Variants in GRID2 observed in about 807,000 individuals in gnomAD.
GRID2 encodes the protein glutamate receptor ionotropic, delta-2.
Under a neutral mutation model 114.8 loss-of-function variants are expected in GRID2, and 33 were observed. The ratio of observed to expected loss-of-function variants is 0.29; its 90% CI spans 0.22 to 0.38. GRID2 has a LOEUF of 0.38. GRID2 is among the 10% of genes least tolerant of loss of function. The pLI is 1.00. For missense variants in GRID2, 1,184 were observed against 1,257.7 expected (o/e 0.94, Z 0.89); for synonymous variants, 505 against 449.9 (o/e 1.12, Z -1.55).
chr4:93,676,822 C>G (rs1392969757), intron 14 of GRID2, among the ~76,000 whole-genome samples: 1 of 151,344 alleles, frequency 6.6e-6, no homozygotes, highest in Non-Finnish European at 1.5e-5. Context: ...TAGGAACAGC[C>G]CCGGTCTACA....
intron 2 of GRID2, among the ~76,000 whole-genome samples, chr4:92,676,170 C>CT (rs1248069337): frequency 0.016 from 770 of 49,606 alleles, 24 homozygotes; most frequent in Non-Finnish European, 0.028. Flanking sequence ...CCCCCCCCCC[C>CT]TTTTTTTTTT....
At chr4:93,267,918 C>A (rs367877425) in intron 8 of GRID2, among the ~76,000 whole-genome samples, 9 of 152,122 alleles carry the variant, frequency 5.9e-5, no homozygotes, top group Non-Finnish European at 1.0e-4. Flanking sequence ...ATTCCTGCTC[C>A]GTCTCTCTGC....
At chr4:93,217,950 TA>T (rs1744429521) in intron 6 of GRID2, among the ~76,000 whole-genome samples, 3 of 152,020 alleles carry the variant, frequency 2.0e-5, no homozygotes, top group Admixed American at 2.0e-4. Context: ...TTTTCAGTTT[TA>T]ACAGTTTGGA....
intron 2 of GRID2, among the ~76,000 whole-genome samples, chr4:92,748,186 C>T (rs542107818): frequency 2.6e-5 from 4 of 152,152 alleles, no homozygotes; most frequent in East Asian, 1.9e-4. Context: ...CTATGTTTCC[C>T]ATCTCAATAT....
intron 2 of GRID2, among the ~76,000 whole-genome samples, chr4:92,818,855 A>C (rs1741082307): frequency 6.6e-6 from 1 of 152,138 alleles, no homozygotes. Context: ...TTCTACATGA[A>C]TAATATCTTG....
chr4:93,028,063 C>A (rs1724043976), intron 2 of GRID2, among the ~76,000 whole-genome samples: 1 of 152,100 alleles, frequency 6.6e-6, no homozygotes, highest in Admixed American at 6.6e-5. Flanking sequence ...TCTATTCAGT[C>A]TCTTCTTGAT....
intron 2 of GRID2, among the ~76,000 whole-genome samples, chr4:92,866,165 G>T (rs778879781): frequency 1.4e-4 from 21 of 152,136 alleles, no homozygotes; most frequent in Admixed American, 7.9e-4. Context: ...GGAATATTGT[G>T]AGGAAGTGTT....
At chr4:92,959,216 A>G (rs1325017797) in intron 2 of GRID2, among the ~76,000 whole-genome samples, 1 of 149,148 alleles carries the variant, frequency 6.7e-6, no homozygotes, top group Non-Finnish European at 1.5e-5. Context: ...TAGTACTACT[A>G]TTATTACTTC....
intron 2 of GRID2, among the ~76,000 whole-genome samples, chr4:92,954,201 G>GTATA: frequency 6.6e-6 from 1 of 151,838 alleles, no homozygotes; most frequent in East Asian, 1.9e-4. Flanking sequence ...GTGTGTGTGT[G>GTATA]TATATATGTA....
intron 1 of GRID2, among the ~76,000 whole-genome samples, chr4:92,454,115 A>G (rs1428953801): frequency 6.6e-6 from 1 of 152,166 alleles, no homozygotes; most frequent in Non-Finnish European, 1.5e-5. Context: ...AATATAAATA[A>G]TAATGACACA....
intron 2 of GRID2, among the ~76,000 whole-genome samples, chr4:92,874,991 G>A (rs1028730636): frequency 6.6e-6 from 1 of 152,022 alleles, no homozygotes; most frequent in East Asian, 1.9e-4. Flanking sequence ...ATTCAAGTGT[G>A]TATCCATAAA....
intron 13 of GRID2, among the ~76,000 whole-genome samples, chr4:93,525,395 AGTG>A (rs1205593096): frequency 6.6e-6 from 1 of 152,134 alleles, no homozygotes; most frequent in African/African-American, 2.4e-5. Context: ...GCTGCAATAA[AGTG>A]GTGGGGGAGG....
intron 2 of GRID2, among the ~76,000 whole-genome samples, chr4:92,607,602 A>G (rs773778045): frequency 5.9e-5 from 9 of 151,910 alleles, no homozygotes; most frequent in Non-Finnish European, 1.3e-4. Flanking sequence ...ACCTGTTTGC[A>G]TCTCATATCT....
chr4:92,642,182 A>G (rs1731387581), intron 2 of GRID2, among the ~76,000 whole-genome samples: 1 of 151,704 alleles, frequency 6.6e-6, no homozygotes, highest in Non-Finnish European at 1.5e-5. Context: ...TGCTAGGTAG[A>G]ATGGTGGCTC....
chr4:93,675,398 C>T (rs1008392612), intron 14 of GRID2, among the ~76,000 whole-genome samples: 1 of 151,972 alleles, frequency 6.6e-6, no homozygotes, highest in African/African-American at 2.4e-5. Flanking sequence ...TTTGATAGTG[C>T]ATTTTCTATA....
At chr4:93,055,167 T>A (rs950944227) in intron 2 of GRID2, among the ~76,000 whole-genome samples, 7 of 151,912 alleles carry the variant, frequency 4.6e-5, no homozygotes, top group Non-Finnish European at 8.8e-5. Flanking sequence ...TATCTTTTGT[T>A]CCTCTTTTTC....
At chr4:93,177,012 C>A (rs17020223) in intron 4 of GRID2, among the ~76,000 whole-genome samples, 5,340 of 152,136 alleles carry the variant, frequency 0.035, 298 homozygotes, top group African/African-American at 0.12. Context: ...TATGTAAGTT[C>A]TCCTACCTAG....
At chr4:92,845,086 T>C (rs1479760207) in intron 2 of GRID2, among the ~76,000 whole-genome samples, 1 of 152,116 alleles carries the variant, frequency 6.6e-6, no homozygotes. Context: ...AGGATAATAA[T>C]ATCTCAGATA....
At chr4:93,523,102 G>T (rs1444744870) in intron 13 of GRID2, among the ~76,000 whole-genome samples, 5 of 152,000 alleles carry the variant, frequency 3.3e-5, no homozygotes, top group Admixed American at 3.3e-4. Flanking sequence ...TCGGGACAAG[G>T]GTCTAGAAAT....
Sources: allele counts gnomAD v4.1 joint callset (sites outside exome capture counted in the v4.1 genomes callset), GRCh38; gene constraint gnomAD v4.1.1; transcripts MANE v1.5; gene names NCBI Gene and HGNC (gene_info 2026-07-23, HGNC 2026-07-21).